The following PSMC6 variants were observed in gnomAD, a reference collection of about 807,000 sequenced individuals.
PSMC6 encodes the protein 26S proteasome regulatory subunit 10B.
Under a neutral mutation model 55.9 loss-of-function variants are expected in PSMC6, and 3 were observed. The ratio of observed to expected loss-of-function variants is 0.05; its 90% CI spans 0.02 to 0.14. The LOEUF (loss-of-function observed/expected upper bound fraction) is 0.14, where lower values mean the gene tolerates loss of function less well. Among genes scored for constraint, PSMC6 ranks in the 10% least tolerant of loss-of-function variants. The pLI is 1.00. For synonymous variants in PSMC6, 137 were observed against 155.9 expected (o/e 0.88, Z 0.90); for missense variants, 210 against 478.7 (o/e 0.44, Z 5.24).
intron 13 of PSMC6, 55 bp from the exon 14 acceptor site, chr14:52,727,444 T>C (rs943949105): frequency 9.1e-7 from 1 of 1,093,080 alleles, no homozygotes; most frequent in Non-Finnish European, 1.4e-6. Flanking sequence ...TTTCTTATAA[T>C]GAACATATAA....
intron 13 of PSMC6, 49 bp downstream of exon 13, chr14:52,724,085 T>G (rs1444296378): frequency 1.9e-6 from 3 of 1,541,170 alleles, no homozygotes; most frequent in South Asian, 2.3e-5. Context: ...TTTTAAAATT[T>G]GCTGAAACTG....
chr14:52,719,213 G>A (rs2041862950), intron 10 of PSMC6, among the ~76,000 whole-genome samples, 175 bp downstream of exon 10: 1 of 152,104 alleles, frequency 6.6e-6, no homozygotes, highest in Non-Finnish European at 1.5e-5. Context: ...AATGACTACT[G>A]GAAAATAAGG....
intron 9 of PSMC6, chr14:52,718,717 C>CG: frequency 2.4e-6 from 1 of 410,216 alleles, no homozygotes; most frequent in Non-Finnish European, 4.4e-6. Flanking sequence ...ACCCAGGAGA[C>CG]GTAGGTTGCA....
At chr14:52,715,121 A>C (rs2041817040) in intron 7 of PSMC6, among the ~76,000 whole-genome samples, 1 of 115,620 alleles carries the variant, frequency 8.6e-6, no homozygotes, top group African/African-American at 3.5e-5. Context: ...ACTGCCACAT[A>C]CTTGCAGTGT....
intron 10 of PSMC6, among the ~76,000 whole-genome samples, chr14:52,720,365 C>G (rs2041876869): frequency 1.1e-4 from 2 of 18,718 alleles, no homozygotes; most frequent in Admixed American, 8.6e-4. Flanking sequence ...GAAACTCTGT[C>G]TCAAAAAAAA....
intron 13 of PSMC6, among the ~76,000 whole-genome samples, chr14:52,725,910 T>C (rs930713649): frequency 1.3e-5 from 2 of 152,268 alleles, no homozygotes; most frequent in African/African-American, 4.8e-5. Flanking sequence ...AGTTTCACTG[T>C]AGCTTTCTAA....
chr14:52,725,270 G>A lies in PSMC6; in HGVS notation c.1051+1234G>A, dbSNP rs145397993. On this transcript the variant is annotated intron_variant, in intron 13 of 13. Coordinates refer to ENST00000445930, the MANE Select transcript of PSMC6 (RefSeq NM_002806.5). ...AAAGGCTGTTGCTATCAAAATATAC[G>A]CTTTTTTTCCTTACATATTCTTACA... Among the ~76,000 whole-genome samples, 68 of 152,144 alleles carry A rather than the reference G, an allele frequency of 4.5e-4. No individual in the cohort carries two copies. The East Asian group carries it at 0.011, about 25-fold the overall frequency.
intron 7 of PSMC6, among the ~76,000 whole-genome samples, chr14:52,716,797 T>A (rs2041834626): frequency 6.6e-6 from 1 of 152,064 alleles, no homozygotes; most frequent in Non-Finnish European, 1.5e-5. Flanking sequence ...CACATTGGAA[T>A]ACTATTCAGC....
intron 4 of PSMC6, chr14:52,710,890 A>T (rs1477022873): frequency 1.8e-6 from 1 of 565,006 alleles, no homozygotes; most frequent in Non-Finnish European, 3.2e-6. Flanking sequence ...CACTGAGATT[A>T]CACAAAGGGG....
chr14:52,707,200 A>G lies in PSMC6; in HGVS notation c.-20A>G, dbSNP rs894485259. The G allele has an allele frequency of 5.6e-6, 9 of 1,611,886 alleles. No homozygotes were observed. In the African/African-American group the frequency reaches 9.5e-5, roughly 17 times the overall value. On this transcript the variant is annotated 5_prime_UTR_variant, in exon 1 of 14. It removes an upstream start codon present in the reference 5' UTR. Transcript: ENST00000445930. ...GCCATGGCCATTCCCGGCATCCCCTATGAGAGACGGCTTCTCATCATGGCG... is the reference window on the plus strand; with the variant it reads ...GCCATGGCCATTCCCGGCATCCCCTGTGAGAGACGGCTTCTCATCATGGCG...
chr14:52,707,214 C>G lies in PSMC6; in HGVS notation c.-6C>G, dbSNP rs376129677. 6.2e-7 allele frequency: 1 copy of G among 1,609,146 alleles called. No homozygotes were observed. The highest frequency in any genetic ancestry group is 8.5e-7 in the Non-Finnish European group (1 of 1,177,590). On this transcript the variant is annotated 5_prime_UTR_variant, in exon 1 of 14. Transcript: ENST00000445930. ...CGGCATCCCCTATGAGAGACGGCTT[C>G]TCATCATGGCGGACCCTAGAGATAA...
In PSMC6 at chr14:52,714,066, G is replaced by A. The variant is rs144157784; in HGVS notation, c.529+98G>A. On this transcript the variant is annotated intron_variant, in intron 7 of 13. Transcript: ENST00000445930. The stretch of plus-strand genomic sequence containing the variant: ...TTTTATTTTTATTTTTTTGAGACAC[G>A]GTCTCACTCTGTTGCCCAGGCTGTA... 168 of 778,378 alleles carry A rather than the reference G, an allele frequency of 2.2e-4. 1 individual carries two copies. The African/African-American group carries it at 2.2e-3, about 10-fold the overall frequency. 48.2% of individuals were successfully genotyped at this position (778,378 alleles called of 1,614,324 possible).
chr14:52,707,407 G>A, intron 1 of PSMC6, 103 bp downstream of exon 1: 1 of 1,494,814 alleles, frequency 6.7e-7, no homozygotes, highest in Non-Finnish European at 9.1e-7. Flanking sequence ...CCTTAGAGAT[G>A]ACCAGGCCTA....
chr14:52,728,340 G>A lies in PSMC6; in HGVS notation c.*723G>A, dbSNP rs918533341. 3 of 152,168 alleles carry A rather than the reference G, an allele frequency of 2.0e-5. No individual in the cohort carries two copies. The highest frequency in any genetic ancestry group is 7.2e-5 in the African/African-American group (3 of 41,438). The allele number at this position is 152,168 out of a possible 1,614,324, so 9.4% of individuals were successfully genotyped here. On this transcript the variant is annotated 3_prime_UTR_variant, in exon 14 of 14. Transcript: ENST00000445930. ...TTTCTTGGTTTATGTAAGACGATAG[G>A]TCCCTGTTGAGGATGTGGAGGTCTG...
chr14:52,712,357 A>G (rs184379033), intron 6 of PSMC6, among the ~76,000 whole-genome samples: 2 of 147,226 alleles, frequency 1.4e-5, no homozygotes, highest in East Asian at 4.1e-4. Flanking sequence ...TTCTTTGACA[A>G]TACTTGAGGA....
chr14:52,726,370 G>A (rs1032688056), intron 13 of PSMC6, among the ~76,000 whole-genome samples: 2 of 152,268 alleles, frequency 1.3e-5, no homozygotes, highest in South Asian at 2.1e-4. Flanking sequence ...TTTAACACAT[G>A]AATAATGACT....
chr14:52,723,876 T>A (rs1880301640), intron 12 of PSMC6, 89 bp from the exon 13 acceptor site: 4 of 1,546,882 alleles, frequency 2.6e-6, no homozygotes, highest in Non-Finnish European at 3.5e-6. Flanking sequence ...AAACTCAAAG[T>A]AAGCTCTTCA....
chr14:52,718,577 A>G, intron 9 of PSMC6: 1 of 462,928 alleles, frequency 2.2e-6, no homozygotes, highest in South Asian at 2.3e-5. Context: ...TCACCAGGTC[A>G]GGAGATCGAG....
At chr14:52,724,867 T>C (rs899184974) in intron 13 of PSMC6, among the ~76,000 whole-genome samples, 1 of 152,252 alleles carries the variant, frequency 6.6e-6, no homozygotes, top group Non-Finnish European at 1.5e-5. Flanking sequence ...TATTAGAATA[T>C]GTGATTTCCT....
Sources: gnomAD v4.1 joint callset for allele counts (sites outside exome capture counted in the v4.1 genomes callset) on GRCh38, gnomAD v4.1.1 for gene constraint, MANE v1.5 for transcripts, NCBI Gene and HGNC (gene_info 2026-07-23, HGNC 2026-07-21) for gene names.